The following PCDH15 variants were observed in gnomAD, a reference collection of about 807,000 sequenced individuals.
PCDH15 encodes the protein protocadherin-15.
Under a neutral mutation model 178.5 loss-of-function variants are expected in PCDH15, and 129 were observed. The ratio of observed to expected loss-of-function variants is 0.72; its 90% CI spans 0.63 to 0.84. PCDH15 has a LOEUF of 0.84. Ranked by LOEUF, PCDH15 falls within the 40% of genes least tolerant of loss-of-function variation. PCDH15 has a pLI of 0.00. For synonymous variants in PCDH15, 800 were observed against 732.0 expected, an observed-to-expected ratio of 1.09 and a Z score of -1.50; for missense variants, 2,230 against 2,099.9, an observed-to-expected ratio of 1.06 and a Z score of -1.21.
intron 37 of PCDH15, chr10:53,808,537 A>T: frequency 7.0e-7 from 1 of 1,437,980 alleles, no homozygotes; most frequent in Non-Finnish European, 9.1e-7. Flanking sequence ...TTTGGACAAC[A>T]TATATATTCA....
At chr10:54,532,298 CATAT>C (rs1205801286) in intron 2 of PCDH15, among the ~76,000 whole-genome samples, 1 of 152,146 alleles carries the variant, frequency 6.6e-6, no homozygotes, top group Non-Finnish European at 1.5e-5. Flanking sequence ...TGTAAACTAA[CATAT>C]TTTATATAAC....
chr10:54,149,134 A>C (rs1009684301), intron 14 of PCDH15, among the ~76,000 whole-genome samples: 1 of 151,958 alleles, frequency 6.6e-6, no homozygotes, highest in Non-Finnish European at 1.5e-5. Flanking sequence ...GGTCAACCTC[A>C]TCCTCTTATT....
chr10:55,025,169 G>C (rs559918992), intron 2 of PCDH15, among the ~76,000 whole-genome samples: 1 of 152,028 alleles, frequency 6.6e-6, no homozygotes, highest in Admixed American at 6.6e-5. Flanking sequence ...GTGTGTGACT[G>C]TATATGTGTG....
chr10:54,007,558 T>C lies in PCDH15; in HGVS notation c.2752-11793A>G, dbSNP rs572642424. ...TAAAATCTTTTCAAGAAAAAATGTA[T>C]GTTATTTGTTTGATCATCACAGGTT... On this transcript the variant is annotated intron_variant, in intron 20 of 37. Coordinates refer to ENST00000644397, the MANE Select transcript of PCDH15 (RefSeq NM_001384140.1). 2.5e-3 allele frequency among the ~76,000 whole-genome samples: 378 copies of C among 152,266 alleles called. 1 individual carries two copies. The highest frequency in any genetic ancestry group is 2.9e-3 in the Non-Finnish European group (200 of 68,002).
At chr10:55,228,233 CTTA>C (rs1841109904) in intron 1 of PCDH15, among the ~76,000 whole-genome samples, 1 of 151,982 alleles carries the variant, frequency 6.6e-6, no homozygotes, top group African/African-American at 2.4e-5. Context: ...CAATAAATCA[CTTA>C]TTATGTATAT....
At chr10:54,699,384 T>C (rs140144857) in intron 1 of PCDH15, among the ~76,000 whole-genome samples, 1 of 152,272 alleles carries the variant, frequency 6.6e-6, no homozygotes, top group African/African-American at 2.4e-5. Context: ...AGATGTCATG[T>C]AAACTGAATT....
At chr10:54,587,409 A>C (rs2091560621) in intron 2 of PCDH15, among the ~76,000 whole-genome samples, 1 of 152,204 alleles carries the variant, frequency 6.6e-6, no homozygotes, top group Admixed American at 6.6e-5. Context: ...TGAGGAACTT[A>C]AGCTTTGCAG....
chr10:55,329,140 T>G (rs972781370), intron 2 of PCDH15, among the ~76,000 whole-genome samples: 1 of 150,216 alleles, frequency 6.7e-6, no homozygotes, highest in African/African-American at 2.4e-5. Context: ...AAGACAATAA[T>G]GGTATGGAAT....
intron 3 of PCDH15, among the ~76,000 whole-genome samples, chr10:54,512,551 T>C (rs1320656219): frequency 6.6e-6 from 1 of 152,172 alleles, no homozygotes; most frequent in Non-Finnish European, 1.5e-5. Context: ...GAAAATTTAA[T>C]CTTAATTTTA....
At chr10:54,719,969 T>C (rs1295369519) in intron 1 of PCDH15, among the ~76,000 whole-genome samples, 1 of 152,058 alleles carries the variant, frequency 6.6e-6, no homozygotes, top group Non-Finnish European at 1.5e-5. Flanking sequence ...ATATTGTAAA[T>C]AGTGTAAATC....
At chr10:54,809,646 T>G (rs1423011324) in intron 3 of PCDH15, among the ~76,000 whole-genome samples, 2 of 152,154 alleles carry the variant, frequency 1.3e-5, no homozygotes, top group Non-Finnish European at 2.9e-5. Flanking sequence ...GTTTATTTAT[T>G]CAATATTGAG....
chr10:54,442,448 AT>A (rs2075876979), intron 3 of PCDH15, among the ~76,000 whole-genome samples: 4 of 119,134 alleles, frequency 3.4e-5, no homozygotes, highest in African/African-American at 1.6e-4. Context: ...ATATATATAT[AT>A]ATATATATAT....
intron 2 of PCDH15, among the ~76,000 whole-genome samples, chr10:55,071,229 A>T (rs1352486600): frequency 1.3e-5 from 2 of 152,184 alleles, no homozygotes; most frequent in Non-Finnish European, 2.9e-5. Flanking sequence ...TAATTACAGG[A>T]TCAAGTTCAC....
chr10:53,990,517 T>C (rs1349042675), intron 21 of PCDH15, among the ~76,000 whole-genome samples: 1 of 148,588 alleles, frequency 6.7e-6, no homozygotes, highest in East Asian at 1.9e-4. Flanking sequence ...ATGTTATATA[T>C]ATATATGTTC....
chr10:55,593,907 A>C (rs2132134862), intron 2 of PCDH15, among the ~76,000 whole-genome samples: 1 of 152,024 alleles, frequency 6.6e-6, no homozygotes, highest in Admixed American at 6.6e-5. Context: ...TTACCATCAT[A>C]CAGCTCAGTT....
At chr10:55,208,726 C>A (rs1282874674) in intron 1 of PCDH15, among the ~76,000 whole-genome samples, 2 of 151,942 alleles carry the variant, frequency 1.3e-5, no homozygotes, top group Admixed American at 6.6e-5. Context: ...TTCCTACATA[C>A]CCCTGGGATG....
chr10:55,030,145 A>G (rs1840573793), intron 2 of PCDH15, among the ~76,000 whole-genome samples: 1 of 152,196 alleles, frequency 6.6e-6, no homozygotes, highest in African/African-American at 2.4e-5. Flanking sequence ...GTTTCCAAAA[A>G]TATGAATACT....
chr10:54,204,331 T>C (rs2050554835), intron 10 of PCDH15, among the ~76,000 whole-genome samples: 1 of 139,406 alleles, frequency 7.2e-6, no homozygotes, highest in Non-Finnish European at 1.5e-5. Context: ...AACATCAACA[T>C]TTAATCCAAT....
intron 32 of PCDH15, among the ~76,000 whole-genome samples, chr10:53,824,468 A>ATAGTT (rs1274042413): frequency 6.6e-6 from 1 of 152,206 alleles, no homozygotes; most frequent in African/African-American, 2.4e-5. Context: ...AATTAGGGTG[A>ATAGTT]TAGTTTAGGC....
Sources: gnomAD v4.1 joint callset for allele counts (sites outside exome capture counted in the v4.1 genomes callset) on GRCh38, gnomAD v4.1.1 for gene constraint, MANE v1.5 for transcripts, NCBI Gene and HGNC (gene_info 2026-07-23, HGNC 2026-07-21) for gene names.